Variants in RNLS observed in about 807,000 individuals in gnomAD.
The protein encoded by RNLS is renalase.
A neutral mutation model predicts 39.8 loss-of-function variants in RNLS; 39 were observed. That is an observed-to-expected ratio of 0.98 (90% confidence interval 0.76 to 1.28). RNLS has a LOEUF of 1.28. RNLS is among the 50% of genes most tolerant of loss of function. The pLI is 0.00. For missense variants in RNLS, 410 were observed against 413.3 expected (o/e 0.99, Z 0.07); for synonymous variants, 147 against 150.7 (o/e 0.98, Z 0.18).
chr10:88,287,997 A>C (rs1200304090), intron 6 of RNLS, among the ~76,000 whole-genome samples: 2 of 152,150 alleles, frequency 1.3e-5, no homozygotes, highest in Non-Finnish European at 2.9e-5. Flanking sequence ...AGACTGGGGC[A>C]ATTAAATGGA....
the RNLS span, among the ~76,000 whole-genome samples, chr10:88,259,837 G>A: frequency 2.6e-5 from 4 of 152,058 alleles, 1 homozygote; most frequent in South Asian, 4.1e-4. Context: ...TTTACCTCCC[G>A]GGTTCAAGCA....
chr10:88,483,002 A>G (rs1453398938), intron 4 of RNLS, among the ~76,000 whole-genome samples: 1 of 150,814 alleles, frequency 6.6e-6, no homozygotes, highest in African/African-American at 2.4e-5. Flanking sequence ...TTTTGTAGAG[A>G]CAGGGTCTTG....
At position 88,375,264 on chromosome 10, in the gene RNLS, T is replaced by C. The variant is rs187290010; in HGVS notation, c.527-12539A>G. On this transcript the variant is annotated intron_variant, in intron 4 of 6. Coordinates refer to ENST00000331772, the MANE Select transcript of RNLS (RefSeq NM_001031709.3). ...AATAAATTAAAAATGGCTTTAATGC[T>C]TAGAGTTGCAGGGACAAGAAAAACC... Among the ~76,000 whole-genome samples the C allele has an allele frequency of 1.9e-3, 291 of 152,180 alleles. 1 individual carries two copies. Among genetic ancestry groups the C allele is most frequent in the South Asian group, 0.011 (55 of 4,822 alleles).
chr10:88,567,206 A>C (rs1317620133), intron 4 of RNLS, among the ~76,000 whole-genome samples: 1 of 152,168 alleles, frequency 6.6e-6, no homozygotes, highest in African/African-American at 2.4e-5. Context: ...AAGAAAAGTA[A>C]TAATAGTAGG....
At chr10:88,553,891 G>T (rs1022684806) in intron 4 of RNLS, among the ~76,000 whole-genome samples, 1 of 152,022 alleles carries the variant, frequency 6.6e-6, no homozygotes, top group Non-Finnish European at 1.5e-5. Flanking sequence ...TGTCTTTTCT[G>T]TGACTGGTAA....
chr10:88,202,487 C>G, the RNLS span, among the ~76,000 whole-genome samples: 1 of 152,138 alleles, frequency 6.6e-6, no homozygotes, highest in Admixed American at 6.5e-5. Flanking sequence ...ATCACTTTTA[C>G]CCCACCCTGT....
intron 4 of RNLS, among the ~76,000 whole-genome samples, chr10:88,482,796 A>G (rs1361809041): frequency 6.6e-6 from 1 of 152,112 alleles, no homozygotes; most frequent in African/African-American, 2.4e-5. Flanking sequence ...TTTCCCTGAA[A>G]GTAGTTGTTG....
At chr10:88,358,073 G>C (rs1849333853) in intron 5 of RNLS, among the ~76,000 whole-genome samples, 1 of 152,132 alleles carries the variant, frequency 6.6e-6, no homozygotes, top group Non-Finnish European at 1.5e-5. Flanking sequence ...TTCAGAACCA[G>C]AATCTGAATG....
intron 4 of RNLS, among the ~76,000 whole-genome samples, chr10:88,539,040 A>T (rs1207395529): frequency 1.3e-5 from 2 of 152,154 alleles, no homozygotes; most frequent in Non-Finnish European, 2.9e-5. Flanking sequence ...CATAGTGAAC[A>T]TAAACTGTAG....
At chr10:88,391,106 G>A (rs1852170975) in intron 4 of RNLS, among the ~76,000 whole-genome samples, 1 of 152,078 alleles carries the variant, frequency 6.6e-6, no homozygotes, top group African/African-American at 2.4e-5. Flanking sequence ...AAATATAACT[G>A]CAATAATTTG....
At chr10:88,549,885 A>G (rs935990793) in intron 4 of RNLS, among the ~76,000 whole-genome samples, 6 of 152,348 alleles carry the variant, frequency 3.9e-5, no homozygotes, top group Admixed American at 3.9e-4. Context: ...ATATTATTAG[A>G]TTTAAAACAA....
downstream of RNLS, among the ~76,000 whole-genome samples, chr10:88,269,320 A>T (rs1158880696): frequency 6.6e-6 from 1 of 152,208 alleles, no homozygotes; most frequent in African/African-American, 2.4e-5. Flanking sequence ...GAGATTCCTG[A>T]GAATAGGTTG....
intron 6 of RNLS, among the ~76,000 whole-genome samples, chr10:88,313,696 C>T (rs528076220): frequency 6.6e-6 from 1 of 152,252 alleles, no homozygotes; most frequent in African/African-American, 2.4e-5. Context: ...TAAATCAGTT[C>T]GTCAACAAGC....
intron 5 of RNLS, among the ~76,000 whole-genome samples, chr10:88,356,227 C>T (rs1352202203): frequency 2.0e-5 from 3 of 152,204 alleles, no homozygotes; most frequent in East Asian, 1.9e-4. Context: ...CACCATTCTG[C>T]ACCCACTGTC....
At chr10:88,329,199 C>A (rs1262883174) in intron 5 of RNLS, among the ~76,000 whole-genome samples, 1 of 151,798 alleles carries the variant, frequency 6.6e-6, no homozygotes, top group Non-Finnish European at 1.5e-5. Context: ...TCCCAGGTAG[C>A]TAAGACCACC....
At position 88,362,961 on chromosome 10, in the gene RNLS, T is replaced by C. The variant is rs996353951; in HGVS notation, c.527-236A>G. 1.1e-4 allele frequency among the ~76,000 whole-genome samples: 16 copies of C among 152,302 alleles called. No homozygotes were observed. In the South Asian group the frequency reaches 2.1e-3, roughly 20 times the overall value. On this transcript the variant is annotated intron_variant, in intron 4 of 6. Transcript: ENST00000331772. ...AAGGTCCACATTCTTTGGAATGGCG[T>C]TCAAGGTTCTCAAAATCTGGCTCCA...
chr10:88,437,427 T>A (rs1841473700), intron 4 of RNLS, among the ~76,000 whole-genome samples: 1 of 152,198 alleles, frequency 6.6e-6, no homozygotes, highest in Non-Finnish European at 1.5e-5. Context: ...AAGATATTTA[T>A]CTTATAATAA....
intron 6 of RNLS, among the ~76,000 whole-genome samples, chr10:88,279,093 G>A (rs1842918017): frequency 6.6e-6 from 1 of 152,156 alleles, no homozygotes; most frequent in African/African-American, 2.4e-5. Context: ...GGAGAACACA[G>A]TGCCATGCAA....
chr10:88,566,714 TA>T (rs1463769708), intron 4 of RNLS, among the ~76,000 whole-genome samples: 1 of 152,018 alleles, frequency 6.6e-6, no homozygotes, highest in African/African-American at 2.4e-5. Context: ...GAAAGTGAGT[TA>T]AAAGAAAACA....
Sources: allele counts gnomAD v4.1 joint callset (sites outside exome capture counted in the v4.1 genomes callset), GRCh38; gene constraint gnomAD v4.1.1; transcripts MANE v1.5; gene names NCBI Gene and HGNC (gene_info 2026-07-23, HGNC 2026-07-21).